ITLN1: variants seen among roughly 807,000 people sequenced by gnomAD.
The protein encoded by ITLN1 is intelectin-1.
A neutral mutation model predicts 36.2 loss-of-function variants in ITLN1; 29 were observed. The ratio of observed to expected loss-of-function variants is 0.80; its 90% CI spans 0.60 to 1.09. ITLN1 has a LOEUF of 1.09. Ranked by LOEUF, ITLN1 falls within the 50% of genes least tolerant of loss-of-function variation. The pLI, the probability that ITLN1 is intolerant of heterozygous loss-of-function variation, is 0.00. For synonymous variants in ITLN1, 143 were observed against 146.5 expected, an observed-to-expected ratio of 0.98 and a Z score of 0.17; for missense variants, 358 against 405.2, an observed-to-expected ratio of 0.88 and a Z score of 1.00.
At chr1:160,876,939 C>T in intron 7 of ITLN1, 123 bp from the exon 8 acceptor site, 1 of 995,158 alleles carries the variant, frequency 1.0e-6, no homozygotes, top group Non-Finnish European at 1.5e-6. Flanking sequence ...CAGTGTTGAT[C>T]TATTCTTCCC....
intron 4 of ITLN1, 88 bp from the exon 5 acceptor site, chr1:160,881,400 G>C: frequency 6.9e-7 from 1 of 1,450,302 alleles, no homozygotes; most frequent in Non-Finnish European, 9.2e-7. Context: ...TGGACTGTGA[G>C]AGCTCTGGAC....
chr1:160,884,422 C>CA (rs148098995), intron 2 of ITLN1, among the ~76,000 whole-genome samples: 2,039 of 152,146 alleles, frequency 0.013, 43 homozygotes, highest in African/African-American at 0.041. Context: ...AATTTTTAGA[C>CA]GTGAAGAAAA....
At chr1:160,884,200 A>T (rs1031976135) in intron 2 of ITLN1, among the ~76,000 whole-genome samples, 2 of 152,146 alleles carry the variant, frequency 1.3e-5, no homozygotes, top group Non-Finnish European at 2.9e-5. Context: ...AAGCTGCTTA[A>T]TATGGCTGAA....
intron 6 of ITLN1, among the ~76,000 whole-genome samples, chr1:160,880,366 G>A (rs1670655794): frequency 6.6e-6 from 1 of 151,510 alleles, no homozygotes; most frequent in South Asian, 2.1e-4. Context: ...TTCCACATAT[G>A]CCTTGTGATC....
chr1:160,885,045 C>T lies in ITLN1; in HGVS notation c.-7+16G>A. The T allele has an allele frequency of 1.8e-6, 1 of 564,586 alleles. No individual in the cohort carries two copies. Among genetic ancestry groups the T allele is most frequent in the Non-Finnish European group, 3.2e-6 (1 of 311,306 alleles). The allele number at this position is 564,586 out of a possible 1,614,324, so 35.0% of individuals were successfully genotyped here. A position where few individuals can be genotyped will look rare whatever the true frequency, so the allele number is the denominator to read the frequency against. ...GCAGACCTAAGCTGAAAACAGGATT[C>T]CCCCAACTCACAGACCTTGTCTGAG... is the stretch of plus-strand genomic sequence containing the variant. On this transcript the variant is annotated intron_variant, in intron 1 of 7. Transcript: ENST00000326245.
In ITLN1 at chr1:160,881,956, C is replaced by A. The variant is rs1461642195; in HGVS notation, c.405+1G>T. ...CCGAGTGGGTAAGAAGTGGCACCAA[C>A]CTTGTAGTCATCGCTCGTGGCCGCC... On this transcript the variant is annotated splice_donor_variant, in intron 4 of 7. Transcript: ENST00000326245. LOFTEE classifies it high-confidence loss of function. 6.2e-7 allele frequency: 1 copy of A among 1,614,182 alleles called. No individual in the cohort carries two copies. The highest frequency in any genetic ancestry group is 2.2e-5 in the East Asian group (1 of 44,880).
chr1:160,880,895 C>T (rs983554087), intron 5 of ITLN1, among the ~76,000 whole-genome samples, 187 bp from the exon 6 acceptor site: 5 of 152,162 alleles, frequency 3.3e-5, no homozygotes, highest in East Asian at 3.9e-4. Flanking sequence ...TGTGCTTCTG[C>T]GGCAGCCTGG....
At chr1:160,882,577 T>C (rs151083269) in intron 3 of ITLN1, among the ~76,000 whole-genome samples, 19 of 152,272 alleles carry the variant, frequency 1.2e-4, no homozygotes, top group African/African-American at 3.9e-4. Context: ...GAAGAAACAA[T>C]TCAAATATTC....
rs1225290646 is a variant in ITLN1 at position 160,882,210 on chromosome 1, G to A, written c.158-6C>T. The A allele has an allele frequency of 6.4e-7, 1 of 1,565,244 alleles. No individual in the cohort carries two copies. Among genetic ancestry groups the A allele is most frequent in the African/African-American group, 1.3e-5 (1 of 74,240 alleles). The stretch of plus-strand genomic sequence containing the variant: ...GCGGAGAAAATACAGGCCATCTGTA[G>A]AGAGAACCAGCCCAGAGCCTCCCTG... On this transcript the variant is annotated splice_polypyrimidine_tract_variant and splice_region_variant and intron_variant, in intron 3 of 7. Transcript: ENST00000326245.
chr1:160,881,091 A>G, intron 5 of ITLN1, 63 bp downstream of exon 5: 1 of 1,501,546 alleles, frequency 6.7e-7, no homozygotes, highest in African/African-American at 1.4e-5. Flanking sequence ...CTCCTGCCCA[A>G]CCTCTAACAC....
chr1:160,878,764 A>T (rs1182934595), intron 7 of ITLN1, among the ~76,000 whole-genome samples: 1 of 152,092 alleles, frequency 6.6e-6, no homozygotes, highest in Non-Finnish European at 1.5e-5. Context: ...TGTCAATCCC[A>T]CCATTCAGGA....
At position 160,879,365 on chromosome 1, in the gene ITLN1, T is replaced by C. The variant is rs1279459159; in HGVS notation, c.735A>G (p.Arg245=). 4 of 1,614,018 alleles carry C rather than the reference T, an allele frequency of 2.5e-6. No homozygotes were observed. The highest frequency in any genetic ancestry group is 3.4e-6 in the Non-Finnish European group (4 of 1,180,022). Residue 245 remains arginine, a synonymous_variant, in exon 7 of 8, where the codon AGA becomes AGG. Coordinates refer to ENST00000326245, the MANE Select transcript of ITLN1 (RefSeq NM_017625.3). ...FVQFRVFNNE[R]AANALCAGMR... ...TTCCAGCACACAAGGCGTTGGCTGC[T>C]CTCTCGTTATTAAATACCCTGAACT...
intron 3 of ITLN1, 58 bp from the exon 4 acceptor site, chr1:160,882,262 C>T: frequency 6.6e-7 from 1 of 1,518,810 alleles, no homozygotes; most frequent in Non-Finnish European, 8.8e-7. Flanking sequence ...TCATTTCAGC[C>T]CCATGACAAG....
intron 7 of ITLN1, 128 bp from the exon 8 acceptor site, chr1:160,876,944 C>T (rs879148134): frequency 2.0e-6 from 2 of 980,534 alleles, no homozygotes; most frequent in Non-Finnish European, 3.0e-6. Flanking sequence ...TTGATCTATT[C>T]TTCCCATAAA....
At position 160,876,573 on chromosome 1, in the gene ITLN1, C is replaced by G; in HGVS notation, c.*91G>C. 7.8e-7 allele frequency: 1 copy of G among 1,280,438 alleles called. No individual in the cohort carries two copies. Among genetic ancestry groups the G allele is most frequent in the Non-Finnish European group, 1.1e-6 (1 of 902,526 alleles). 79.3% of individuals were successfully genotyped at this position (1,280,438 alleles called of 1,614,324 possible). On this transcript the variant is annotated 3_prime_UTR_variant, in exon 8 of 8. Coordinates refer to ENST00000326245, the MANE Select transcript of ITLN1 (RefSeq NM_017625.3). Reference sequence around the variant, plus strand: ...ATATGATTTATTGTTTTCTCTTCTGCCATTAACATTCTAGCTACTGGGTAA... The same window carrying G: ...ATATGATTTATTGTTTTCTCTTCTGGCATTAACATTCTAGCTACTGGGTAA...
chr1:160,882,149 G>A lies in ITLN1; in HGVS notation c.213C>T (p.Asp71=), dbSNP rs766611392. Residue 71 remains aspartate (D), a synonymous_variant, in exon 4 of 8, where the codon GAC becomes GAT. Transcript: ENST00000326245. ...TCCAGCCGCCACCCCCAGAGGTCAT[G>A]TCACAGAAGGTCTGGTAGATAACAC... is the stretch of plus-strand genomic sequence containing the variant. The part of the protein sequence containing the change: ...ENGVIYQTFC[D]MTSGGGGWTL... 7.4e-6 allele frequency: 12 copies of A among 1,610,890 alleles called. No individual in the cohort carries two copies. The highest frequency in any genetic ancestry group is 1.0e-5 in the Non-Finnish European group (12 of 1,178,252).
At position 160,883,457 on chromosome 1, in the gene ITLN1, T is replaced by G. The variant is rs188204725; in HGVS notation, c.128A>C (p.Glu43Ala). The G allele has an allele frequency of 1.5e-5, 25 of 1,613,660 alleles. No individual in the cohort carries two copies. In the African/African-American group the frequency reaches 2.4e-4, roughly 15 times the overall value. Reference sequence around the variant, plus strand: ...TGCACTAGGACATTCGTCTTTGATTTCCTTGCAGCTTCTGGGCAGAGATGG... The same window carrying G: ...TGCACTAGGACATTCGTCTTTGATTGCCTTGCAGCTTCTGGGCAGAGATGG... The part of the protein sequence containing the change: ...SSPSLPRSCK[E>A]IKDECPSAFD... The change falls in exon 3 of 8, where the codon GAA becomes GCA. Residue 43 changes from glutamate (E) to alanine (A), a missense_variant. By Grantham distance (107) the Glu-to-Ala change is moderately radical. Transcript: ENST00000326245.
chr1:160,880,601 T>C lies in ITLN1; in HGVS notation c.672A>G (p.Ser224=), dbSNP rs144339641. 371 of 1,613,884 alleles carry C rather than the reference T, an allele frequency of 2.3e-4. 1 individual carries two copies. In the African/African-American group the frequency reaches 4.5e-3, roughly 20 times the overall value. The change falls in exon 6 of 8, where the codon TCA becomes TCG. Residue 224 remains serine (S), a synonymous_variant. Coordinates refer to ENST00000326245, the MANE Select transcript of ITLN1 (RefSeq NM_017625.3). ...GDAQKTASYY[S]PYGQREFTAG... The stretch of plus-strand genomic sequence containing the variant: ...TTAAAGACTCACGCTGGCCATAGGG[T>C]GAGTAATAAGATGCTGTTTTCTGGG...
At chr1:160,880,021 C>T (rs1331167762) in intron 6 of ITLN1, among the ~76,000 whole-genome samples, 1 of 151,982 alleles carries the variant, frequency 6.6e-6, no homozygotes, top group Admixed American at 6.6e-5. Flanking sequence ...GAGTCTGGAG[C>T]CTGGCCGGGC....
Sources: gnomAD v4.1 joint callset for allele counts (sites outside exome capture counted in the v4.1 genomes callset) on GRCh38, gnomAD v4.1.1 for gene constraint, MANE v1.5 for transcripts, NCBI Gene and HGNC (gene_info 2026-07-23, HGNC 2026-07-21) for gene names.